The following CREB3L1 variants were observed in gnomAD, a reference collection of about 807,000 sequenced individuals.
CREB3L1 encodes cAMP responsive element binding protein 3 like 1, also known as cyclic AMP-responsive element-binding protein 3-like protein 1.
CREB3L1 carries 33 observed loss-of-function variants against 54.5 expected under a neutral mutation model. The observed-to-expected ratio is 0.61, with a 90% confidence interval of 0.46 to 0.81. CREB3L1 has a LOEUF of 0.81. Among genes scored for constraint, CREB3L1 ranks in the 30% least tolerant of loss-of-function variants. The pLI is 0.00. For synonymous variants in CREB3L1, 284 were observed against 286.4 expected (o/e 0.99, Z 0.08); for missense variants, 656 against 673.3 (o/e 0.97, Z 0.29).
intron 2 of CREB3L1, among the ~76,000 whole-genome samples, chr11:46,300,704 C>T (rs1362149799): frequency 6.7e-6 from 1 of 150,202 alleles, no homozygotes; most frequent in East Asian, 2.0e-4. Context: ...AACCCCGTCT[C>T]TACTAAAAAA....
At chr11:46,282,817 G>A (rs11038851) in intron 1 of CREB3L1, among the ~76,000 whole-genome samples, 31,254 of 152,140 alleles carry the variant, frequency 0.21, 3,382 homozygotes, top group African/African-American at 0.27. Flanking sequence ...CATAAACCTA[G>A]CACAGTCACA....
chr11:46,299,515 C>G (rs12273276), intron 1 of CREB3L1, among the ~76,000 whole-genome samples: 31,500 of 152,132 alleles, frequency 0.21, 3,442 homozygotes, highest in African/African-American at 0.28. Context: ...CACGGTTGTT[C>G]TTTTACTTTG....
intron 2 of CREB3L1, among the ~76,000 whole-genome samples, chr11:46,301,408 C>G (rs1000663950): frequency 1.3e-5 from 2 of 151,814 alleles, no homozygotes; most frequent in African/African-American, 4.8e-5. Flanking sequence ...GAGGCTGATG[C>G]GGGTGGATCA....
intron 2 of CREB3L1, among the ~76,000 whole-genome samples, chr11:46,303,411 G>A (rs192878998): frequency 1.9e-4 from 29 of 152,286 alleles, no homozygotes; most frequent in African/African-American, 6.0e-4. Context: ...TTGGGAAGCC[G>A]AGGCAGGAGG....
Position 46,320,457 on chromosome 11 carries a change from G to C in CREB3L1, c.1452G>C (p.Glu484Asp), listed in dbSNP as rs188423609. The C allele has an allele frequency of 2.3e-5, 37 of 1,606,964 alleles. No individual in the cohort carries two copies. The African/African-American group carries it at 3.1e-4, about 13-fold the overall frequency. The change falls in exon 11 of 12, where the codon GAG (glutamate) becomes GAC (aspartate). Residue 484 changes from glutamate (E) to aspartate (D), a missense_variant. By Grantham distance (45) the Glu-to-Asp change is conservative. Coordinates refer to ENST00000621158, the MANE Select transcript of CREB3L1 (RefSeq NM_052854.4). ...ACGAGACCACCAAGTACCTGAGTGA[G>C]GCCTGGCCTAAAGACGGTGGAAACG... ...STHETTKYLS[E>D]AWPKDGGNGT...
intron 2 of CREB3L1, among the ~76,000 whole-genome samples, chr11:46,305,398 C>T (rs942670627): frequency 2.6e-5 from 4 of 151,870 alleles, no homozygotes; most frequent in Admixed American, 1.3e-4. Flanking sequence ...TCACTGGGTC[C>T]TGTGGATGCT....
intron 2 of CREB3L1, among the ~76,000 whole-genome samples, chr11:46,301,619 C>T (rs1025527253): frequency 3.3e-5 from 5 of 151,260 alleles, no homozygotes; most frequent in South Asian, 2.1e-4. Flanking sequence ...GCCAAGATTG[C>T]GCCATTGCAA....
At position 46,310,032 on chromosome 11, in the gene CREB3L1, C is replaced by T. The variant is rs1323181213; in HGVS notation, c.560C>T (p.Pro187Leu). 2 of 1,602,964 alleles carry T rather than the reference C, an allele frequency of 1.2e-6. No homozygotes were observed. Among genetic ancestry groups the T allele is most frequent in the East Asian group, 2.3e-5 (1 of 44,336 alleles). Residue 187 changes from proline (P) to leucine (L), a missense_variant, in exon 4 of 12, where the codon CCT (proline) becomes CTT (leucine). Transcript: ENST00000621158. ...CAGCTGCCAGTGATCAAAGCAGAGC[C>T]TCTGGAGGTGAACCAGTTCCTCAAA... Reference protein sequence around the residue: ...MTQLPVIKAEPLEVNQFLKVT... With the variant: ...MTQLPVIKAELLEVNQFLKVT...
At chr11:46,312,979 T>C in intron 8 of CREB3L1, 60 bp downstream of exon 8, 1 of 1,260,784 alleles carries the variant, frequency 7.9e-7, no homozygotes, top group Non-Finnish European at 1.1e-6. Flanking sequence ...CGTGCCTGGC[T>C]CTGCATAGCT....
At chr11:46,304,599 C>A (rs771260243) in intron 2 of CREB3L1, among the ~76,000 whole-genome samples, 11 of 152,274 alleles carry the variant, frequency 7.2e-5, no homozygotes, top group South Asian at 4.1e-4. Flanking sequence ...GTACCTCCCC[C>A]CAAACCCCAT....
intron 1 of CREB3L1, among the ~76,000 whole-genome samples, chr11:46,293,523 C>T (rs1939160183): frequency 6.6e-6 from 1 of 152,220 alleles, no homozygotes; most frequent in African/African-American, 2.4e-5. Flanking sequence ...GCAGAGAATA[C>T]ACACCCTCCC....
At chr11:46,283,716 CAAAAAAT>C (rs933423842) in intron 1 of CREB3L1, among the ~76,000 whole-genome samples, 3 of 151,990 alleles carry the variant, frequency 2.0e-5, no homozygotes, top group East Asian at 1.9e-4. Flanking sequence ...TCCGTCTCTA[CAAAAAAT>C]AAAAAATAAA....
chr11:46,294,852 T>C (rs1474386011), intron 1 of CREB3L1, among the ~76,000 whole-genome samples: 1 of 143,646 alleles, frequency 7.0e-6, no homozygotes. Flanking sequence ...TGTGTTGGGG[T>C]GTGGGGGGGT....
At chr11:46,288,834 AT>A (rs1178123519) in intron 1 of CREB3L1, among the ~76,000 whole-genome samples, 1 of 152,118 alleles carries the variant, frequency 6.6e-6, no homozygotes, top group Non-Finnish European at 1.5e-5. Flanking sequence ...TTGGGTTCAA[AT>A]CCCCGCTTGA....
intron 1 of CREB3L1, among the ~76,000 whole-genome samples, chr11:46,298,513 C>T (rs1248835959): frequency 1.3e-5 from 2 of 152,188 alleles, no homozygotes; most frequent in East Asian, 1.9e-4. Flanking sequence ...GCCTAGCCAA[C>T]ATGGTGAAAC....
chr11:46,293,503 C>G (rs1566182667), intron 1 of CREB3L1, among the ~76,000 whole-genome samples: 1 of 152,198 alleles, frequency 6.6e-6, no homozygotes, highest in Admixed American at 6.5e-5. Flanking sequence ...ACTAACAGGG[C>G]TAGGGGGCTG....
chr11:46,320,454 T>A lies in CREB3L1; in HGVS notation c.1449T>A (p.Ser483Arg), dbSNP rs1187421373. The A allele has an allele frequency of 1.2e-6, 2 of 1,607,396 alleles. No individual in the cohort carries two copies. The highest frequency in any genetic ancestry group is 3.4e-5 in the Admixed American group (2 of 58,908). Reference protein sequence around the residue: ...DSTHETTKYLSEAWPKDGGNG... With the variant: ...DSTHETTKYLREAWPKDGGNG... The stretch of plus-strand genomic sequence containing the variant: ...CCCACGAGACCACCAAGTACCTGAG[T>A]GAGGCCTGGCCTAAAGACGGTGGAA... Residue 483 changes from serine to arginine, a missense_variant, in exon 11 of 12, where the codon AGT becomes AGA. Physicochemically the swap from Ser to Arg is moderately radical, Grantham distance 110 (BLOSUM62 -1). Coordinates refer to ENST00000621158, the MANE Select transcript of CREB3L1 (RefSeq NM_052854.4).
At chr11:46,307,678 A>C in intron 2 of CREB3L1, 138 bp from the exon 3 acceptor site, 3 of 629,130 alleles carry the variant, frequency 4.8e-6, no homozygotes, top group Non-Finnish European at 7.7e-6. Context: ...TCCTCACCTC[A>C]CAACCACCCT....
intron 2 of CREB3L1, among the ~76,000 whole-genome samples, chr11:46,301,750 G>C (rs924861346): frequency 6.6e-6 from 1 of 151,984 alleles, no homozygotes; most frequent in Non-Finnish European, 1.5e-5. Flanking sequence ...TTTGAGGTCA[G>C]GAGTTCAAGA....
Sources: allele counts gnomAD v4.1 joint callset (sites outside exome capture counted in the v4.1 genomes callset), GRCh38; gene constraint gnomAD v4.1.1; transcripts MANE v1.5; gene names NCBI Gene and HGNC (gene_info 2026-07-23, HGNC 2026-07-21).